The following DCTD variants were observed in gnomAD, a reference collection of about 807,000 sequenced individuals.
DCTD encodes the protein dCMP deaminase.
Under a neutral mutation model 21.0 loss-of-function variants are expected in DCTD, and 23 were observed. The observed-to-expected ratio is 1.09, with a 90% CI of 0.79 to 1.55. The LOEUF is 1.55. Among genes scored for constraint, DCTD ranks in the 40% most tolerant of loss-of-function variants. DCTD has a pLI of 0.00. For synonymous variants in DCTD, 71 were observed against 81.1 expected, an observed-to-expected ratio of 0.88 and a Z score of 0.67; for missense variants, 224 against 230.0, an observed-to-expected ratio of 0.97 and a Z score of 0.17.
intron 5 of DCTD, among the ~76,000 whole-genome samples, chr4:182,891,733 T>C (rs1733791301): frequency 6.6e-6 from 1 of 152,118 alleles, no homozygotes; most frequent in African/African-American, 2.4e-5. Flanking sequence ...TATTGGGGAG[T>C]CAAAGGATTT....
intron 4 of DCTD, 98 bp from the exon 5 acceptor site, chr4:182,893,225 A>G (rs939105803): frequency 2.7e-6 from 2 of 748,040 alleles, no homozygotes; most frequent in Non-Finnish European, 4.9e-6. Context: ...TCTATGATTA[A>G]TGACCTTTTC....
chr4:182,901,568 C>T (rs888954203), intron 3 of DCTD, among the ~76,000 whole-genome samples: 1 of 152,102 alleles, frequency 6.6e-6, no homozygotes, highest in Non-Finnish European at 1.5e-5. Context: ...CGCCTTCTGC[C>T]GCCACCCCAG....
At chr4:182,892,621 C>A (rs934209498) in intron 5 of DCTD, among the ~76,000 whole-genome samples, 31 of 72,422 alleles carry the variant, frequency 4.3e-4, no homozygotes, top group East Asian at 2.8e-3. Context: ...GAGCGAGACT[C>A]CGTCTCAAAA....
chr4:182,917,012 G>C lies in DCTD; in HGVS notation c.-8+299C>G. ...CCAACCCACACACGGGCGCAGGAAGGGATGTGGTGTTCAGACGCCCAGCAC... is the reference window on the plus strand; with the variant it reads ...CCAACCCACACACGGGCGCAGGAAGCGATGTGGTGTTCAGACGCCCAGCAC... On this transcript the variant is annotated intron_variant, in intron 1 of 5. Transcript: ENST00000438320. The surrounding 1 kb of genome is among the most constrained non-coding windows in gnomAD (Gnocchi z 4.9). 2 of 989,818 alleles carry C rather than the reference G, an allele frequency of 2.0e-6. No individual in the cohort carries two copies. The highest frequency in any genetic ancestry group is 1.7e-5 in the African/African-American group (1 of 57,370). The allele number at this position is 989,818 out of a possible 1,614,324, so 61.3% of individuals were successfully genotyped here.
At chr4:182,895,329 C>T (rs146655667) in intron 3 of DCTD, among the ~76,000 whole-genome samples, 38 of 152,306 alleles carry the variant, frequency 2.5e-4, no homozygotes, top group African/African-American at 9.1e-4. Flanking sequence ...TCTTGGCCTC[C>T]CAAAGCTGTG....
In DCTD at chr4:182,917,138, C is replaced by T; in HGVS notation, c.-8+173G>A. Reference sequence around the variant, plus strand: ...CTGCGGGGACCCCGAGCGCCCCCACCCCGCCCGCATTCTCCGATCTAAAGG... The same window carrying T: ...CTGCGGGGACCCCGAGCGCCCCCACTCCGCCCGCATTCTCCGATCTAAAGG... On this transcript the variant is annotated intron_variant, in intron 1 of 5. Coordinates refer to ENST00000438320, the MANE Select transcript of DCTD (RefSeq NM_001921.3). The surrounding 1 kb of genome is among the most constrained non-coding windows in gnomAD (Gnocchi z 4.9). The T allele has an allele frequency of 3.0e-6, 3 of 987,816 alleles. No individual in the cohort carries two copies. In the South Asian group the frequency reaches 1.4e-4, roughly 46 times the overall value. 61.2% of individuals were successfully genotyped at this position (987,816 alleles called of 1,614,324 possible). A position where few individuals can be genotyped will look rare whatever the true frequency, so the allele number is the denominator to read the frequency against.
At chr4:182,909,740 C>G (rs1160969306) in intron 3 of DCTD, among the ~76,000 whole-genome samples, 1 of 152,054 alleles carries the variant, frequency 6.6e-6, no homozygotes, top group Non-Finnish European at 1.5e-5. Flanking sequence ...CTTTCAGATG[C>G]CAAAGAAATA....
At position 182,917,383 on chromosome 4, in the gene DCTD, G is replaced by A. The variant is rs536603688; in HGVS notation, c.-80C>T. On this transcript the variant is annotated 5_prime_UTR_variant, in exon 1 of 6. Coordinates refer to ENST00000438320, the MANE Select transcript of DCTD (RefSeq NM_001921.3). The surrounding 1 kb of genome is among the most constrained non-coding windows in gnomAD (Gnocchi z 4.9). ...GCCGTGCTCAGGGAAGGAAGTCGGG[G>A]GAGGAGGCGGGGCCGCCGCGGGGCC... 18 of 1,088,446 alleles carry A rather than the reference G, an allele frequency of 1.7e-5. No homozygotes were observed. In the South Asian group the frequency reaches 6.6e-4, roughly 40 times the overall value. The allele number at this position is 1,088,446 out of a possible 1,614,324, so 67.4% of individuals were successfully genotyped here.
Position 182,917,033 on chromosome 4 carries a change from A to G in DCTD, c.-8+278T>C. On this transcript the variant is annotated intron_variant, in intron 1 of 5. Transcript: ENST00000438320. The surrounding 1 kb of genome is among the most constrained non-coding windows in gnomAD (Gnocchi z 4.9). ...GAAGGGATGTGGTGTTCAGACGCCC[A>G]GCACCACCTCCCGGGGCACTCCAAG... 1.0e-6 allele frequency: 1 copy of G among 988,110 alleles called. No individual in the cohort carries two copies. The highest frequency in any genetic ancestry group is 1.2e-6 in the Non-Finnish European group (1 of 831,954). The allele number at this position is 988,110 out of a possible 1,614,324, so 61.2% of individuals were successfully genotyped here.
At chr4:182,894,252 T>C (rs1225247625) in intron 4 of DCTD, among the ~76,000 whole-genome samples, 1 of 152,244 alleles carries the variant, frequency 6.6e-6, no homozygotes, top group Admixed American at 6.5e-5. Flanking sequence ...TTTGGCAGCT[T>C]GCAGTTTAAG....
At chr4:182,891,540 G>T in intron 5 of DCTD, 63 bp from the exon 6 acceptor site, 2 of 1,151,854 alleles carry the variant, frequency 1.7e-6, no homozygotes, top group South Asian at 1.2e-5. Context: ...TGTTTACTTT[G>T]GCTTAACTCA....
At chr4:182,892,420 C>T (rs1307511748) in intron 5 of DCTD, among the ~76,000 whole-genome samples, 3 of 152,164 alleles carry the variant, frequency 2.0e-5, no homozygotes, top group African/African-American at 7.2e-5. Context: ...GTAATCCCAG[C>T]ACTTTGGGAG....
At chr4:182,898,108 A>G (rs1735070415) in intron 3 of DCTD, among the ~76,000 whole-genome samples, 1 of 152,208 alleles carries the variant, frequency 6.6e-6, no homozygotes, top group Non-Finnish European at 1.5e-5. Context: ...AAGTTTGGGG[A>G]TTCATTTACT....
chr4:182,908,284 TAGAACA>T (rs1453510760), intron 3 of DCTD, among the ~76,000 whole-genome samples: 2 of 152,182 alleles, frequency 1.3e-5, no homozygotes, highest in African/African-American at 4.8e-5. Context: ...ACAACTGACA[TAGAACA>T]GATCACCAGA....
In DCTD at chr4:182,917,326, C is replaced by A. The variant is rs1738917837; in HGVS notation, c.-23G>T. The A allele has an allele frequency of 9.1e-7, 1 of 1,093,746 alleles. No individual in the cohort carries two copies. The highest frequency in any genetic ancestry group is 1.1e-6 in the Non-Finnish European group (1 of 900,680). The allele number at this position is 1,093,746 out of a possible 1,614,324, so 67.8% of individuals were successfully genotyped here. On this transcript the variant is annotated 5_prime_UTR_variant, in exon 1 of 6. Transcript: ENST00000438320. The surrounding 1 kb of genome is among the most constrained non-coding windows in gnomAD (Gnocchi z 4.9). Reference sequence around the variant, plus strand: ...CCCCGCCCACCATCCGGTGCCGGCTCCGCGCGCAGGCCGGTGCTCGTCCCC... The same window carrying A: ...CCCCGCCCACCATCCGGTGCCGGCTACGCGCGCAGGCCGGTGCTCGTCCCC...
intron 3 of DCTD, among the ~76,000 whole-genome samples, chr4:182,903,468 G>A (rs796432062): frequency 2.0e-5 from 3 of 152,246 alleles, no homozygotes; most frequent in African/African-American, 4.8e-5. Flanking sequence ...AAATAAAGAC[G>A]AGAAACGGGG....
chr4:182,906,988 T>C (rs567322905), intron 3 of DCTD, among the ~76,000 whole-genome samples: 2 of 152,356 alleles, frequency 1.3e-5, no homozygotes, highest in African/African-American at 2.4e-5. Flanking sequence ...AGTATCTCTG[T>C]TTGAATAAAT....
chr4:182,901,679 T>G (rs1446206582), intron 3 of DCTD, among the ~76,000 whole-genome samples: 1 of 151,712 alleles, frequency 6.6e-6, no homozygotes, highest in Non-Finnish European at 1.5e-5. Context: ...AATGAAAAGG[T>G]GGGAAGCATC....
chr4:182,906,380 ACT>A (rs1736722435), intron 3 of DCTD, among the ~76,000 whole-genome samples: 1 of 152,080 alleles, frequency 6.6e-6, no homozygotes, highest in South Asian at 2.1e-4. Context: ...TAGTCTGCAA[ACT>A]CTTCAAAAAC....
Sources: allele counts gnomAD v4.1 joint callset (sites outside exome capture counted in the v4.1 genomes callset), GRCh38; gene constraint gnomAD v4.1.1; non-coding constraint Gnocchi (gnomAD v3.1); transcripts MANE v1.5; gene names NCBI Gene and HGNC (gene_info 2026-07-23, HGNC 2026-07-21).